The following UBE2F variants were observed in gnomAD, a reference collection of about 807,000 sequenced individuals.
UBE2F encodes ubiquitin conjugating enzyme E2 F (putative).
Under a neutral mutation model 29.6 loss-of-function variants are expected in UBE2F, and 5 were observed. The ratio of observed to expected loss-of-function variants is 0.17; its 90% confidence interval spans 0.09 to 0.36. The LOEUF (loss-of-function observed/expected upper bound fraction) is 0.36. Among genes scored for constraint, UBE2F ranks in the 10% least tolerant of loss-of-function variants. The pLI is 1.00. For synonymous variants in UBE2F, 66 were observed against 81.8 expected, an observed-to-expected ratio of 0.81 and a Z score of 1.04; for missense variants, 141 against 228.5, an observed-to-expected ratio of 0.62 and a Z score of 2.47.
chr2:237,994,412 T>A (rs551599031), intron 3 of UBE2F, among the ~76,000 whole-genome samples: 1 of 152,340 alleles, frequency 6.6e-6, no homozygotes, highest in Admixed American at 6.5e-5. Context: ...TTAATCTCCC[T>A]GAGATATGGT....
intron 4 of UBE2F, among the ~76,000 whole-genome samples, chr2:237,999,114 G>A (rs1016263052): frequency 4.0e-5 from 6 of 151,384 alleles, no homozygotes; most frequent in African/African-American, 7.3e-5. Context: ...ACAGAGTCTC[G>A]CTCTGTCACC....
At chr2:237,998,857 A>C (rs1262690460) in intron 4 of UBE2F, among the ~76,000 whole-genome samples, 1 of 152,104 alleles carries the variant, frequency 6.6e-6, no homozygotes, top group African/African-American at 2.4e-5. Flanking sequence ...TCCCAGTGAC[A>C]GATGATGTAG....
At chr2:237,980,332 T>C (rs895574) in intron 2 of UBE2F, among the ~76,000 whole-genome samples, 56,622 of 152,110 alleles carry the variant, frequency 0.37, 10,765 homozygotes, top group East Asian at 0.51. Context: ...AATAGGCATG[T>C]GTTTCCCTTC....
intron 8 of UBE2F, among the ~76,000 whole-genome samples, chr2:238,034,894 T>C (rs886362187): frequency 2.8e-5 from 4 of 145,014 alleles, no homozygotes; most frequent in African/African-American, 7.5e-5. Context: ...TGATTTTTTC[T>C]TTTTTTTTTT....
chr2:237,990,460 T>C (rs1229873482), intron 3 of UBE2F: 1 of 447,944 alleles, frequency 2.2e-6, no homozygotes, highest in African/African-American at 2.1e-5. Context: ...TGGAGTACAG[T>C]GGCATGAGTG....
chr2:238,034,170 C>T (rs891852401), intron 8 of UBE2F, among the ~76,000 whole-genome samples: 5 of 151,928 alleles, frequency 3.3e-5, no homozygotes, highest in African/African-American at 1.2e-4. Context: ...CACGCCTGTA[C>T]TCCCAGCACT....
intron 3 of UBE2F, among the ~76,000 whole-genome samples, chr2:237,988,876 A>T (rs2063531390): frequency 6.6e-6 from 1 of 152,176 alleles, no homozygotes; most frequent in Non-Finnish European, 1.5e-5. Flanking sequence ...TGTCAGTGGG[A>T]GTCCATCTTG....
At chr2:238,016,011 C>T (rs922888176) in intron 4 of UBE2F, among the ~76,000 whole-genome samples, 7 of 152,262 alleles carry the variant, frequency 4.6e-5, no homozygotes, top group Admixed American at 4.6e-4. Flanking sequence ...GCCCGCGTTT[C>T]TAGAAGGCCT....
chr2:237,983,020 T>C (rs1017731754), intron 2 of UBE2F, among the ~76,000 whole-genome samples: 3 of 152,200 alleles, frequency 2.0e-5, no homozygotes, highest in Non-Finnish European at 2.9e-5. Context: ...GTTTTTGTAG[T>C]GACAGAGTCT....
intron 4 of UBE2F, among the ~76,000 whole-genome samples, chr2:238,008,666 T>C (rs530931936): frequency 3.3e-5 from 5 of 152,340 alleles, no homozygotes; most frequent in African/African-American, 9.6e-5. Context: ...TTCATGTCTT[T>C]GTTATTTCCC....
chr2:237,990,161 AC>A (rs2063554921), intron 3 of UBE2F, among the ~76,000 whole-genome samples: 1 of 151,344 alleles, frequency 6.6e-6, no homozygotes, highest in Non-Finnish European at 1.5e-5. Flanking sequence ...TGAAGTATTT[AC>A]AGATGAAGTA....
intron 5 of UBE2F, among the ~76,000 whole-genome samples, chr2:238,022,193 A>G (rs1318174226): frequency 1.7e-5 from 2 of 118,862 alleles, no homozygotes; most frequent in Non-Finnish European, 3.3e-5. Context: ...TTTTGGAGAC[A>G]GAGTCTTGCT....
chr2:237,998,615 T>C (rs1167464368), intron 4 of UBE2F, among the ~76,000 whole-genome samples: 5 of 148,836 alleles, frequency 3.4e-5, no homozygotes, highest in Non-Finnish European at 7.5e-5. Context: ...CCGTGAGCTT[T>C]TTTTTTTTTT....
At chr2:237,976,615 G>A (rs1261585306) in intron 2 of UBE2F, among the ~76,000 whole-genome samples, 1 of 152,088 alleles carries the variant, frequency 6.6e-6, no homozygotes, top group Non-Finnish European at 1.5e-5. Context: ...AGAAGAGATG[G>A]AAGGGCAAAA....
chr2:238,006,346 A>G (rs959813739), intron 4 of UBE2F, among the ~76,000 whole-genome samples: 11 of 152,192 alleles, frequency 7.2e-5, no homozygotes, highest in African/African-American at 2.7e-4. Context: ...ACCCCACCTC[A>G]AACAAACAAT....
chr2:238,016,683 C>T (rs542902153), intron 5 of UBE2F, 50 bp downstream of exon 5: 2 of 1,537,016 alleles, frequency 1.3e-6, no homozygotes, highest in African/African-American at 1.4e-5. Context: ...GCGGGGCTGC[C>T]TGTGGCTGTG....
intron 2 of UBE2F, chr2:237,986,113 C>A: frequency 3.1e-6 from 1 of 325,840 alleles, no homozygotes; most frequent in Non-Finnish European, 5.9e-6. Flanking sequence ...TAAATATTTT[C>A]TCCCAATTCA....
chr2:237,974,501 G>GTTTTTTTTTTTGT (rs2063235655), intron 2 of UBE2F, among the ~76,000 whole-genome samples: 1 of 108,582 alleles, frequency 9.2e-6, no homozygotes, highest in African/African-American at 3.8e-5. Flanking sequence ...AATTTTTGTG[G>GTTTTTTTTTTTGT]TTTTTTTTTT....
chr2:238,018,963 C>G (rs1320784491), intron 5 of UBE2F, among the ~76,000 whole-genome samples: 1 of 152,148 alleles, frequency 6.6e-6, no homozygotes, highest in African/African-American at 2.4e-5. Context: ...GCCTTGAAGA[C>G]TTGTTTCCCT....
Sources: allele counts gnomAD v4.1 joint callset (sites outside exome capture counted in the v4.1 genomes callset), GRCh38; gene constraint gnomAD v4.1.1; transcripts MANE v1.5; gene names NCBI Gene and HGNC (gene_info 2026-07-23, HGNC 2026-07-21).